SNTG1: variants seen among roughly 807,000 people sequenced by gnomAD.
SNTG1 encodes the protein gamma-1-syntrophin.
SNTG1 carries 39 observed loss-of-function variants against 74.7 expected under a neutral mutation model. That is an observed-to-expected ratio of 0.52 (90% CI 0.40 to 0.68). The LOEUF (loss-of-function observed/expected upper bound fraction) is 0.68, where lower values mean the gene tolerates loss of function less well. Ranked by LOEUF, SNTG1 falls within the 30% of genes least tolerant of loss-of-function variation. The probability of loss-of-function intolerance (pLI) is 0.00; values close to 1 mark genes in which losing one functional copy is unlikely to be tolerated. For missense variants in SNTG1, 685 were observed against 609.5 expected, an observed-to-expected ratio of 1.12 and a Z score of -1.30; for synonymous variants, 254 against 217.1, an observed-to-expected ratio of 1.17 and a Z score of -1.49.
At chr8:50,160,764 T>G (rs1254793277) in intron 1 of SNTG1, among the ~76,000 whole-genome samples, 1 of 152,228 alleles carries the variant, frequency 6.6e-6, no homozygotes, top group East Asian at 1.9e-4. Flanking sequence ...ATCAGCTTAT[T>G]TGATACTCAT....
intron 2 of SNTG1, among the ~76,000 whole-genome samples, chr8:50,218,451 T>G (rs1318615579): frequency 6.6e-6 from 1 of 152,212 alleles, no homozygotes; most frequent in African/African-American, 2.4e-5. Context: ...TTAGTATTCA[T>G]AAATGCCTGC....
At chr8:50,608,973 TTGCTG>T (rs1479866110) in intron 13 of SNTG1, among the ~76,000 whole-genome samples, 1 of 152,046 alleles carries the variant, frequency 6.6e-6, no homozygotes, top group African/African-American at 2.4e-5. Context: ...TATAAATATT[TTGCTG>T]CATTGCAGTA....
At chr8:50,196,814 A>C (rs1316871818) in intron 2 of SNTG1, among the ~76,000 whole-genome samples, 1 of 151,512 alleles carries the variant, frequency 6.6e-6, no homozygotes, top group Non-Finnish European at 1.5e-5. Context: ...AAAAAAAAAA[A>C]ACAAAAAAAA....
chr8:50,226,599 G>T (rs2085341602), intron 2 of SNTG1, among the ~76,000 whole-genome samples: 1 of 152,008 alleles, frequency 6.6e-6, no homozygotes, highest in African/African-American at 2.4e-5. Context: ...ATCAATCCCA[G>T]GTCTTTAGAC....
intron 1 of SNTG1, among the ~76,000 whole-genome samples, chr8:49,976,706 T>C (rs1812224320): frequency 6.6e-6 from 1 of 152,040 alleles, no homozygotes; most frequent in Non-Finnish European, 1.5e-5. Context: ...GGCGCCCAGG[T>C]AGGAGTGAGC....
intron 4 of SNTG1, among the ~76,000 whole-genome samples, chr8:50,433,658 G>A (rs1398890308): frequency 1.3e-5 from 2 of 152,050 alleles, no homozygotes; most frequent in African/African-American, 4.8e-5. Context: ...TCCTACACCA[G>A]TGGGTTGCTG....
chr8:50,167,267 TATA>T (rs1051126960), intron 1 of SNTG1, among the ~76,000 whole-genome samples: 13 of 111,300 alleles, frequency 1.2e-4, no homozygotes, highest in East Asian at 2.4e-4. Context: ...AAACTTAAAG[TATA>T]ATAATAATAA....
intron 12 of SNTG1, among the ~76,000 whole-genome samples, chr8:50,566,576 T>A (rs147310856): frequency 7.9e-5 from 12 of 151,836 alleles, no homozygotes; most frequent in African/African-American, 2.9e-4. Context: ...AAGACAGAGG[T>A]CTGTATGACT....
chr8:49,976,969 C>T (rs893745737), intron 1 of SNTG1, among the ~76,000 whole-genome samples: 1 of 152,104 alleles, frequency 6.6e-6, no homozygotes, highest in Non-Finnish European at 1.5e-5. Context: ...TGGGCAGAGG[C>T]TGACAATTTG....
rs879178049 is a variant in SNTG1 at position 50,553,131 on chromosome 8, C to T, written c.762C>T (p.Asp254=). The T allele has an allele frequency of 1.2e-6, 2 of 1,613,936 alleles. No homozygotes were observed. The highest frequency in any genetic ancestry group is 3.3e-5 in the Admixed American group (2 of 59,976). The part of the protein sequence containing the change: ...IQCLSAEDCV[D]WLQAIATNIS... ...GCCTCTCTGCTGAAGACTGCGTTGA[C>T]TGGCTACAAGCAATAGCAACTAACA... The change falls in exon 12 of 19, where the codon GAC becomes GAT. Residue 254 remains aspartate (D), a synonymous_variant. Transcript: ENST00000642720.
chr8:50,466,594 G>A (rs1013729406), intron 8 of SNTG1, among the ~76,000 whole-genome samples: 8 of 151,886 alleles, frequency 5.3e-5, no homozygotes, highest in Non-Finnish European at 1.0e-4. Flanking sequence ...ATTTTGATGG[G>A]AATTTCATTA....
At chr8:50,052,299 A>G (rs577129622) in intron 1 of SNTG1, among the ~76,000 whole-genome samples, 2 of 152,240 alleles carry the variant, frequency 1.3e-5, no homozygotes, top group Admixed American at 6.5e-5. Context: ...ACAACATTTT[A>G]TCAATGTGGC....
At chr8:50,615,289 A>G (rs1333108214) in intron 13 of SNTG1, among the ~76,000 whole-genome samples, 1 of 152,194 alleles carries the variant, frequency 6.6e-6, no homozygotes, top group Non-Finnish European at 1.5e-5. Flanking sequence ...AATATTGAAT[A>G]GTTGCTGATA....
chr8:49,924,285 AG>A (rs770863685), intron 1 of SNTG1, among the ~76,000 whole-genome samples: 1 of 152,112 alleles, frequency 6.6e-6, no homozygotes, highest in Non-Finnish European at 1.5e-5. Context: ...TACTTTATAG[AG>A]GAAAAAAAGT....
At chr8:50,707,296 T>C (rs1032790211) in intron 16 of SNTG1, among the ~76,000 whole-genome samples, 2 of 152,104 alleles carry the variant, frequency 1.3e-5, no homozygotes, top group African/African-American at 4.8e-5. Flanking sequence ...ATGTCTAAAT[T>C]AGGAGAAAAT....
intron 18 of SNTG1, among the ~76,000 whole-genome samples, chr8:50,780,382 C>A (rs539049557): frequency 2.3e-4 from 35 of 152,272 alleles, no homozygotes; most frequent in Admixed American, 7.2e-4. Context: ...AATTTCAGAG[C>A]CTATTACTGG....
chr8:50,183,383 G>A (rs962313834), intron 2 of SNTG1, among the ~76,000 whole-genome samples: 5 of 152,020 alleles, frequency 3.3e-5, no homozygotes, highest in Non-Finnish European at 1.5e-5. Flanking sequence ...CTGTATGATT[G>A]CCTGTGACTG....
intron 1 of SNTG1, among the ~76,000 whole-genome samples, chr8:49,938,568 T>TTTTC (rs1489281648): frequency 3.3e-5 from 1 of 29,862 alleles, no homozygotes; most frequent in Non-Finnish European, 7.2e-5. Flanking sequence ...TTTTCTTTTC[T>TTTTC]TTTCTTTTCT....
At chr8:50,400,518 A>T (rs2092789608) in intron 3 of SNTG1, among the ~76,000 whole-genome samples, 3 of 152,094 alleles carry the variant, frequency 2.0e-5, no homozygotes, top group South Asian at 2.1e-4. Context: ...TTTCCTTTGG[A>T]TATATACCTA....
Sources: gnomAD v4.1 joint callset for allele counts (sites outside exome capture counted in the v4.1 genomes callset) on GRCh38, gnomAD v4.1.1 for gene constraint, MANE v1.5 for transcripts, NCBI Gene and HGNC (gene_info 2026-07-23, HGNC 2026-07-21) for gene names.